The following SNAPC4 variants were observed in gnomAD, a reference collection of about 807,000 sequenced individuals.
SNAPC4 encodes the protein snRNA-activating protein complex subunit 4.
Under a neutral mutation model 151.3 loss-of-function variants are expected in SNAPC4, and 127 were observed. The observed-to-expected ratio is 0.84, with a 90% CI of 0.73 to 0.97. The LOEUF (loss-of-function observed/expected upper bound fraction) is 0.97. Among genes scored for constraint, SNAPC4 ranks in the 50% least tolerant of loss-of-function variants. SNAPC4 has a pLI of 0.00. For missense variants in SNAPC4, 2,186 were observed against 1,935.0 expected (o/e 1.13, Z -2.43); for synonymous variants, 1,002 against 824.4 (o/e 1.22, Z -3.69).
At chr9:136,395,115 C>T (rs371346218) in intron 5 of SNAPC4, among the ~76,000 whole-genome samples, 183 bp downstream of exon 5, 21 of 152,386 alleles carry the variant, frequency 1.4e-4, no homozygotes, top group African/African-American at 5.0e-4. Flanking sequence ...ACAGGGCAGT[C>T]CTGGCAGCCC....
At position 136,378,716 on chromosome 9, in the gene SNAPC4, C is replaced by A; in HGVS notation, c.3111G>T (p.Leu1037=). Residue 1037 remains leucine (L), a synonymous_variant, in exon 22 of 24, where the codon CTG becomes CTT. Coordinates refer to ENST00000684778, the MANE Select transcript of SNAPC4 (RefSeq NM_003086.4). ...QAPAASRKQG[L]PEAPPFLPAA... is the part of the protein sequence containing the mutation. Reference sequence around the variant, plus strand: ...CGGGGAGAAAGGGTGGCGCCTCAGGCAGGCCCTGCTTCCGGGATGCAGCGG... The same window carrying A: ...CGGGGAGAAAGGGTGGCGCCTCAGGAAGGCCCTGCTTCCGGGATGCAGCGG... 1.3e-6 allele frequency: 2 copies of A among 1,501,578 alleles called. No homozygotes were observed. The highest frequency in any genetic ancestry group is 1.8e-6 in the Non-Finnish European group (2 of 1,125,160). 93.0% of individuals were successfully genotyped at this position (1,501,578 alleles called of 1,614,324 possible).
At chr9:136,381,502 C>A (rs1833690981) in intron 18 of SNAPC4, 110 bp from the exon 19 acceptor site, 1 of 1,026,270 alleles carries the variant, frequency 9.7e-7, no homozygotes, top group South Asian at 1.4e-5. Flanking sequence ...GCTCTGGGAG[C>A]CAGGCCAGGG....
intron 3 of SNAPC4, 108 bp downstream of exon 3, chr9:136,396,869 T>C: frequency 1.2e-6 from 1 of 815,016 alleles, no homozygotes; most frequent in Non-Finnish European, 2.1e-6. Flanking sequence ...ATCATTTTTA[T>C]AATGCAGAAA....
intron 7 of SNAPC4, among the ~76,000 whole-genome samples, chr9:136,393,221 C>A (rs1024468307): frequency 6.6e-6 from 1 of 152,194 alleles, no homozygotes; most frequent in Non-Finnish European, 1.5e-5. Flanking sequence ...AGAGACCCAC[C>A]GTCATCACTG....
At chr9:136,391,918 C>T in intron 10 of SNAPC4, 24 bp downstream of exon 10, 2 of 1,595,974 alleles carry the variant, frequency 1.3e-6, no homozygotes, top group South Asian at 1.1e-5. Flanking sequence ...CTCCTGGCCC[C>T]TGGGGTCCAG....
intron 2 of SNAPC4, among the ~76,000 whole-genome samples, chr9:136,397,456 C>T (rs1834311878): frequency 1.4e-5 from 2 of 142,430 alleles, no homozygotes. Context: ...AGGTGGGAAG[C>T]AAGGCTGGGG....
At chr9:136,397,717 GTGGGGAGGAGAGCACT>G in intron 2 of SNAPC4, among the ~76,000 whole-genome samples, 4 of 133,402 alleles carry the variant, frequency 3.0e-5, no homozygotes, top group African/African-American at 5.7e-5. Flanking sequence ...TGGGGAGCAC[GTGGGGAGGAGAGCACT>G]TGGGGTGGGG....
chr9:136,384,044 A>C lies in SNAPC4; in HGVS notation c.1421-12T>G. On this transcript the variant is annotated splice_polypyrimidine_tract_variant and intron_variant, in intron 14 of 23. Transcript: ENST00000684778. ...TTTTGCCCAGTGACCTGCAAAAGCC[A>C]AACCCCATGGAAATGCCTTCATCCA... is the stretch of plus-strand genomic sequence containing the variant. 7 of 1,611,762 alleles carry C rather than the reference A, an allele frequency of 4.3e-6. No individual in the cohort carries two copies. In the Middle Eastern group the frequency reaches 5.0e-4, roughly 114 times the overall value.
chr9:136,384,945 G>C, intron 13 of SNAPC4, 131 bp from the exon 14 acceptor site: 1 of 533,904 alleles, frequency 1.9e-6, no homozygotes, highest in South Asian at 2.7e-5. Context: ...TACAGATAAA[G>C]TAGACTTCAT....
rs780857052 is a variant in SNAPC4, at chr9:136,392,613, G to C, written c.738-19C>G. 8.5e-5 allele frequency: 137 copies of C among 1,613,658 alleles called. No homozygotes were observed. The stretch of plus-strand genomic sequence containing the variant: ...AAGCTGGCTGGTGGAAGGGATGAGG[G>C]TATTGGCACCACGCCTGGCTTGTGG... On this transcript the variant is annotated intron_variant, in intron 8 of 23. Coordinates refer to ENST00000684778, the MANE Select transcript of SNAPC4 (RefSeq NM_003086.4).
Position 136,390,554 on chromosome 9 carries a change from G to GAAAA in SNAPC4, c.975+1384_975+1387dup, listed in dbSNP as rs58732608. Among the ~76,000 whole-genome samples, 12 of 48,810 alleles carry GAAAA rather than the reference G, an allele frequency of 2.5e-4. No individual in the cohort carries two copies. The East Asian group carries it at 3.8e-3, about 15-fold the overall frequency. The allele number at this position is 48,810 out of a possible 152,430, so 32.0% of individuals were successfully genotyped here. ...TGGGCGACAGAGTGAGACTCTGTTT[G>GAAAA]AAAAAAAAAAAAAAAAAAAAAAAAG... On this transcript the variant is annotated intron_variant, in intron 10 of 23. Transcript: ENST00000684778.
intron 20 of SNAPC4, among the ~76,000 whole-genome samples, chr9:136,380,177 T>C (rs1244626705): frequency 6.6e-6 from 1 of 152,094 alleles, no homozygotes; most frequent in Non-Finnish European, 1.5e-5. Flanking sequence ...TAGGGGACGT[T>C]GTCGTGCCCT....
chr9:136,380,149 T>C (rs1833635085), intron 20 of SNAPC4, among the ~76,000 whole-genome samples: 1 of 152,194 alleles, frequency 6.6e-6, no homozygotes, highest in Non-Finnish European at 1.5e-5. Flanking sequence ...AGGCTGCTGC[T>C]GGCTGTGACC....
At position 136,379,873 on chromosome 9, in the gene SNAPC4, G is replaced by A. The variant is rs1393143029; in HGVS notation, c.2500-9C>T. ...TGGGCACTTGAGGATGCCTGGAAAT[G>A]AAAGAGAGGAGAGTCAGCAGCTCAG... On this transcript the variant is annotated splice_polypyrimidine_tract_variant and intron_variant, in intron 20 of 23. Coordinates refer to ENST00000684778, the MANE Select transcript of SNAPC4 (RefSeq NM_003086.4). 3 of 1,612,348 alleles carry A rather than the reference G, an allele frequency of 1.9e-6. No homozygotes were observed. In the East Asian group the frequency reaches 6.7e-5, roughly 36 times the overall value.
Position 136,377,703 on chromosome 9 carries a change from G to T in SNAPC4, c.4124C>A (p.Pro1375His). The part of the protein sequence containing the change: ...RARFLAAFTL[P>H]ALLATLAPQG... ...GGGGGCCAGGGTGGCCAGGAGCGCA[G>T]GGAGGGTGAAGGCTGCCAGGAACCG... Residue 1375 changes from proline (P) to histidine (H), a missense_variant, in exon 22 of 24, where the codon CCT becomes CAT. Coordinates refer to ENST00000684778, the MANE Select transcript of SNAPC4 (RefSeq NM_003086.4). 1 of 1,609,264 alleles carries T rather than the reference G, an allele frequency of 6.2e-7. No homozygotes were observed. Among genetic ancestry groups the T allele is most frequent in the Non-Finnish European group, 8.5e-7 (1 of 1,177,682 alleles).
rs753444527 is a variant in SNAPC4, at chr9:136,379,239, C to G, written c.2588G>C (p.Ser863Thr). The G allele has an allele frequency of 2.4e-5, 39 of 1,612,514 alleles. No individual in the cohort carries two copies. In the African/African-American group the frequency reaches 4.8e-4, roughly 20 times the overall value. Reference protein sequence around the residue: ...EASKSASHKGSRRLASSRVER... With the variant: ...EASKSASHKGTRRLASSRVER... ...CACCCGGCTGGACGCCAGTCTTCGG[C>G]TCCCTTTGTGGCTGGCACTCTTTGA... Residue 863 changes from serine (S) to threonine (T), a missense_variant, in exon 22 of 24, where the codon AGC becomes ACC. Coordinates refer to ENST00000684778, the MANE Select transcript of SNAPC4 (RefSeq NM_003086.4).
rs1479844509 is a variant in SNAPC4 at position 136,392,527 on chromosome 9, T to C, written c.805A>G (p.Ile269Val). 1.2e-6 allele frequency: 2 copies of C among 1,613,706 alleles called. No homozygotes were observed. Among genetic ancestry groups the C allele is most frequent in the African/African-American group, 1.3e-5 (1 of 74,940 alleles). ...CAGACCTGCCCCTGACTTACGTTAA[T>C]ATTGGAAATCTTCTCCCAGTCGTGG... is the stretch of plus-strand genomic sequence containing the variant. ...DSHDWEKISN[I>V]NFEGSRSAEE... Residue 269 changes from isoleucine (I) to valine (V), a missense_variant, in exon 9 of 24, where the codon ATT becomes GTT. Transcript: ENST00000684778.
Position 136,378,769 on chromosome 9 carries a change from C to T in SNAPC4, c.3058G>A (p.Glu1020Lys), listed in dbSNP as rs372184757. 40 of 1,539,230 alleles carry T rather than the reference C, an allele frequency of 2.6e-5. No homozygotes were observed. Among genetic ancestry groups the T allele is most frequent in the Admixed American group, 2.0e-4 (10 of 51,018 alleles). Residue 1020 changes from glutamate to lysine, a missense_variant, in exon 22 of 24, where the codon GAG becomes AAG. Transcript: ENST00000684778. ...GCCTGAGACTGTCCGAGACCACTCT[C>T]GGGGCAGCTCACAGAGATCTGGCCG... ...GPGQISVSCP[E>K]SGLGQSQAPA...
In SNAPC4 at chr9:136,386,307, T is replaced by C. The variant is rs144340319; in HGVS notation, c.1325+1178A>G. Among the ~76,000 whole-genome samples, 857 of 152,276 alleles carry C rather than the reference T, an allele frequency of 5.6e-3. 7 individuals carry two copies. The highest frequency in any genetic ancestry group is 0.019 in the African/African-American group (804 of 41,554). On this transcript the variant is annotated intron_variant, in intron 13 of 23. Transcript: ENST00000684778. Reference sequence around the variant, plus strand: ...CTCAAGTTCTTTGCCCGCGATTAGATTGGGTTGTTTTTGTCGTTGAATGGC... The same window carrying C: ...CTCAAGTTCTTTGCCCGCGATTAGACTGGGTTGTTTTTGTCGTTGAATGGC...
Sources: allele counts gnomAD v4.1 joint callset (sites outside exome capture counted in the v4.1 genomes callset), GRCh38; gene constraint gnomAD v4.1.1; transcripts MANE v1.5; gene names NCBI Gene and HGNC (gene_info 2026-07-23, HGNC 2026-07-21).